SLC4A3: variants seen among roughly 807,000 people sequenced by gnomAD.
The protein encoded by SLC4A3 is solute carrier family 4 member 3, also known as anion exchange protein 3.
Under a neutral mutation model 114.2 loss-of-function variants are expected in SLC4A3, and 47 were observed. The ratio of observed to expected loss-of-function variants is 0.41; its 90% CI spans 0.33 to 0.52. SLC4A3 has a LOEUF of 0.52. SLC4A3 is among the 20% of genes least tolerant of loss of function. The pLI is 0.21. For missense variants in SLC4A3, 1,312 were observed against 1,668.3 expected (o/e 0.79, Z 3.72); for synonymous variants, 693 against 710.3 (o/e 0.98, Z 0.39).
At chr2:219,633,859 A>G (rs1699026561) in intron 10 of SLC4A3, 21 bp from the exon 11 acceptor site, 2 of 1,552,538 alleles carry the variant, frequency 1.3e-6, no homozygotes, top group East Asian at 2.4e-5. Flanking sequence ...TCCCAGCCCT[A>G]TTCCAGTTCT....
chr2:219,637,673 C>T lies in SLC4A3; in HGVS notation c.2628C>T (p.Ala876=). The change falls in exon 17 of 23, where the codon GCC becomes GCT. Residue 876 remains alanine, a synonymous_variant. Transcript: ENST00000358055. The surrounding 1 kb of genome is among the most constrained non-coding windows in gnomAD (Gnocchi z 4.6). Reference sequence around the variant, plus strand: ...CTGGTCTGGAGCCAAATGGCAGTGCCCTGCCCCCCACCGAGGGCCCCCCCA... The same window carrying T: ...CTGGTCTGGAGCCAAATGGCAGTGCTCTGCCCCCCACCGAGGGCCCCCCCA... ...LDAGLEPNGS[A]LPPTEGPPSP... 6.2e-7 allele frequency: 1 copy of T among 1,610,262 alleles called. No homozygotes were observed. Among genetic ancestry groups the T allele is most frequent in the South Asian group, 1.1e-5 (1 of 91,014 alleles).
Position 219,628,457 on chromosome 2 carries a change from A to G in SLC4A3, c.104A>G (p.Asp35Gly), listed in dbSNP as rs1698797702. 2 of 1,613,604 alleles carry G rather than the reference A, an allele frequency of 1.2e-6. No individual in the cohort carries two copies. The highest frequency in any genetic ancestry group is 1.7e-6 in the Non-Finnish European group (2 of 1,179,838). ...CTAAGTCCAGACGTGGAGGAGGAGG[A>G]CGATGACTTGGGCAAGACCTTGGCT... ...PPLSPDVEEE[D>G]DDLGKTLAVS... The change falls in exon 3 of 23, where the codon GAC becomes GGC. Residue 35 changes from aspartate to glycine, a missense_variant. By Grantham distance (94) the Asp-to-Gly change is moderately conservative. This residue lies in a region of SLC4A3 where 236 missense variants were observed against 212.1 expected (regional missense o/e 1.11). Coordinates refer to ENST00000358055, the MANE Select transcript of SLC4A3 (RefSeq NM_005070.4). The surrounding 1 kb of genome is among the most constrained non-coding windows in gnomAD (Gnocchi z 4.8).
Position 219,631,088 on chromosome 2 carries a change from A to G in SLC4A3, c.811+736A>G, listed in dbSNP as rs1459947901. 2.0e-5 allele frequency: 23 copies of G among 1,140,856 alleles called. No individual in the cohort carries two copies. The highest frequency in any genetic ancestry group is 2.4e-5 in the Non-Finnish European group (22 of 912,742). The allele number at this position is 1,140,856 out of a possible 1,614,324, so 70.7% of individuals were successfully genotyped here. A position where few individuals can be genotyped will look rare whatever the true frequency, so the allele number is the denominator to read the frequency against. On this transcript the variant is annotated intron_variant, in intron 6 of 22. Transcript: ENST00000358055. This position sits in a 1 kb window ranked among gnomAD's most constrained non-coding sequence, Gnocchi z 6.3. ...AGGGTGGGGGCTGGATGCCGCAGGG[A>G]GCAGGCTTGTGGACTTGGGGAGTTG...
At position 219,632,539 on chromosome 2, in the gene SLC4A3, G is replaced by A. The variant is rs1436693015; in HGVS notation, c.1141+97G>A. ...AACACTCTCTAGAGTCCTGGGCACAGGCAAGATCCAACTGCCACCTGGGAC... is the reference window on the plus strand; with the variant it reads ...AACACTCTCTAGAGTCCTGGGCACAAGCAAGATCCAACTGCCACCTGGGAC... On this transcript the variant is annotated intron_variant, in intron 8 of 22. Coordinates refer to ENST00000358055, the MANE Select transcript of SLC4A3 (RefSeq NM_005070.4). 4 of 1,372,952 alleles carry A rather than the reference G, an allele frequency of 2.9e-6. 1 individual carries two copies. The highest frequency in any genetic ancestry group is 5.0e-5 in the East Asian group (2 of 40,240). The allele number at this position is 1,372,952 out of a possible 1,614,324, so 85.0% of individuals were successfully genotyped here.
rs1698931081 is a variant in SLC4A3 at position 219,631,755 on chromosome 2, G to T, written c.812-213G>T. Reference sequence around the variant, plus strand: ...CCTTTGGATTGCATCTTGGCCGGTGGTCCCAGGTGACCATGGGGAGGTCCT... The same window carrying T: ...CCTTTGGATTGCATCTTGGCCGGTGTTCCCAGGTGACCATGGGGAGGTCCT... On this transcript the variant is annotated intron_variant, in intron 6 of 22. Coordinates refer to ENST00000358055, the MANE Select transcript of SLC4A3 (RefSeq NM_005070.4). This position sits in a 1 kb window ranked among gnomAD's most constrained non-coding sequence, Gnocchi z 6.3. Among the ~76,000 whole-genome samples, 1 of 152,140 alleles carries T rather than the reference G, an allele frequency of 6.6e-6. No homozygotes were observed. The highest frequency in any genetic ancestry group is 2.4e-5 in the African/African-American group (1 of 41,422).
chr2:219,640,595 C>T lies in SLC4A3; in HGVS notation c.3443C>T (p.Thr1148Ile), dbSNP rs1448069334. ...AKHHPEQPYV[T>I]KVKTWRMHLF... ...CACCATCCTGAGCAGCCCTATGTGA[C>T]CAAGGTAGGGCCGGGAAGCATGGGG... Residue 1148 changes from threonine (T) to isoleucine (I), a missense_variant, in exon 21 of 23, where the codon ACC becomes ATC. Thr to Ile is a moderately conservative substitution (Grantham distance 89). Transcript: ENST00000358055. The T allele has an allele frequency of 1.9e-6, 3 of 1,613,540 alleles. No individual in the cohort carries two copies. The highest frequency in any genetic ancestry group is 2.5e-6 in the Non-Finnish European group (3 of 1,179,766).
At chr2:219,633,115 C>A in intron 9 of SLC4A3, 106 bp downstream of exon 9, 1 of 1,436,420 alleles carries the variant, frequency 7.0e-7, no homozygotes, top group South Asian at 1.3e-5. Flanking sequence ...CCACAAGTGA[C>A]AGAGAGCTCA....
chr2:219,641,932 C>G lies in SLC4A3; in HGVS notation c.*204C>G. ...TCACCTTTCACAGACCAGACCGGCACAGGCTTTGAGCTCATTATAACCACA... is the reference window on the plus strand; with the variant it reads ...TCACCTTTCACAGACCAGACCGGCAGAGGCTTTGAGCTCATTATAACCACA... On this transcript the variant is annotated 3_prime_UTR_variant, in exon 23 of 23. Transcript: ENST00000358055. The surrounding 1 kb of genome is among the most constrained non-coding windows in gnomAD (Gnocchi z 4.0). 1.8e-6 allele frequency: 1 copy of G among 554,392 alleles called. No homozygotes were observed. Among genetic ancestry groups the G allele is most frequent in the East Asian group, 2.9e-5 (1 of 33,906 alleles). The allele number at this position is 554,392 out of a possible 1,614,324, so 34.3% of individuals were successfully genotyped here. A position where few individuals can be genotyped will look rare whatever the true frequency, so the allele number is the denominator to read the frequency against.
rs926811991 is a variant in SLC4A3, at chr2:219,641,201, T to C, written c.3621+239T>C. Among the ~76,000 whole-genome samples the C allele has an allele frequency of 1.2e-4, 19 of 152,046 alleles. No individual in the cohort carries two copies. The highest frequency in any genetic ancestry group is 1.2e-3 in the Admixed American group (19 of 15,276). On this transcript the variant is annotated intron_variant, in intron 22 of 22. Coordinates refer to ENST00000358055, the MANE Select transcript of SLC4A3 (RefSeq NM_005070.4). The surrounding 1 kb of genome is among the most constrained non-coding windows in gnomAD (Gnocchi z 4.0). Reference sequence around the variant, plus strand: ...AGGTAAAGGCCTTAGGATGGTGGTTTTGTAAGGGAGTTGGCACGGGGCTGC... The same window carrying C: ...AGGTAAAGGCCTTAGGATGGTGGTTCTGTAAGGGAGTTGGCACGGGGCTGC...
In SLC4A3 at chr2:219,635,370, G is replaced by T; in HGVS notation, c.1846G>T (p.Val616Leu). ...CAGCATTGTGATCCCCCCGTCCGAGGTGGAGGGCCGTGACCTGCTGCGCTC... is the reference window on the plus strand; with the variant it reads ...CAGCATTGTGATCCCCCCGTCCGAGTTGGAGGGCCGTGACCTGCTGCGCTC... Reference protein sequence around the residue: ...DGSIVIPPSEVEGRDLLRSVA... With the variant: ...DGSIVIPPSELEGRDLLRSVA... Residue 616 changes from valine (V) to leucine (L), a missense_variant, in exon 13 of 23, where the codon GTG becomes TTG. Val to Leu is a conservative substitution (Grantham distance 32, BLOSUM62 1). Transcript: ENST00000358055. 5 of 1,614,206 alleles carry T rather than the reference G, an allele frequency of 3.1e-6. No individual in the cohort carries two copies. Among genetic ancestry groups the T allele is most frequent in the Non-Finnish European group, 4.2e-6 (5 of 1,180,026 alleles).
chr2:219,628,413 G>T lies in SLC4A3; in HGVS notation c.60G>T (p.Val20=). ...GCCGTCTGGGCCTGCAGGTCCGGGT[G>T]CCCTTGGAGGAGCCCCCTCTAAGTC... The part of the protein sequence containing the change: ...GGASPLPQVR[V]PLEEPPLSPD... The change falls in exon 3 of 23, where the codon GTG becomes GTT. Residue 20 remains valine, a synonymous_variant. Transcript: ENST00000358055. The surrounding 1 kb of genome is among the most constrained non-coding windows in gnomAD (Gnocchi z 4.8). 6.2e-7 allele frequency: 1 copy of T among 1,611,318 alleles called. No homozygotes were observed.
chr2:219,634,993 G>C (rs576629030), intron 12 of SLC4A3, among the ~76,000 whole-genome samples: 1 of 152,280 alleles, frequency 6.6e-6, no homozygotes, highest in African/African-American at 2.4e-5. Flanking sequence ...GGCTCTGGAA[G>C]CCCCTGCTCT....
chr2:219,632,315 G>A lies in SLC4A3; in HGVS notation c.1014G>A (p.Trp338Ter). The change falls in exon 8 of 23, where the codon TGG (tryptophan) becomes TGA (stop). Residue 338 changes from tryptophan to a stop codon, truncating the protein, a stop_gained. Coordinates refer to ENST00000358055, the MANE Select transcript of SLC4A3 (RefSeq NM_005070.4). LOFTEE classifies it high-confidence loss of function. ...LMLDRSQEPH[W>*]RETARWIKFE... ...TGGACCGCAGCCAGGAGCCCCACTG[G>A]CGGGAGACGGCCCGCTGGATCAAGT... is the stretch of plus-strand genomic sequence containing the variant. 6.2e-7 allele frequency: 1 copy of A among 1,614,114 alleles called. No homozygotes were observed. The highest frequency in any genetic ancestry group is 1.1e-5 in the South Asian group (1 of 91,080).
rs1699323080 is a variant in SLC4A3 at position 219,641,433 on chromosome 2, T to C, written c.3622-218T>C. The stretch of plus-strand genomic sequence containing the variant: ...TCAGGAAAGAGCTTCATAATAATAA[T>C]CATTATTATTATCACCAGGAGGGGC... On this transcript the variant is annotated intron_variant, in intron 22 of 22. Coordinates refer to ENST00000358055, the MANE Select transcript of SLC4A3 (RefSeq NM_005070.4). The surrounding 1 kb of genome is among the most constrained non-coding windows in gnomAD (Gnocchi z 4.0). 6.6e-6 allele frequency among the ~76,000 whole-genome samples: 1 copy of C among 152,032 alleles called. No homozygotes were observed. Among genetic ancestry groups the C allele is most frequent in the African/African-American group, 2.4e-5 (1 of 41,390 alleles).
At chr2:219,640,209 G>T (rs919901763) in intron 20 of SLC4A3, among the ~76,000 whole-genome samples, 10 of 150,482 alleles carry the variant, frequency 6.6e-5, no homozygotes, top group Admixed American at 2.0e-4. Flanking sequence ...GATTACAGGC[G>T]TGAGCCAATG....
In SLC4A3 at chr2:219,628,058, C is replaced by G. The variant is rs1010564601; in HGVS notation, c.51+15C>G. 8 of 1,540,216 alleles carry G rather than the reference C, an allele frequency of 5.2e-6. No homozygotes were observed. Among genetic ancestry groups the G allele is most frequent in the African/African-American group, 2.8e-5 (2 of 71,832 alleles). The stretch of plus-strand genomic sequence containing the variant: ...CCCTACCCCAGGTGATCGGCGCGCG[C>G]GGGGGCGGGGGAGAGATGGGGGAGG... On this transcript the variant is annotated intron_variant, in intron 2 of 22. Coordinates refer to ENST00000358055, the MANE Select transcript of SLC4A3 (RefSeq NM_005070.4). The surrounding 1 kb of genome is among the most constrained non-coding windows in gnomAD (Gnocchi z 4.8).
rs764732530 is a variant in SLC4A3 at position 219,629,149 on chromosome 2, C to T, written c.223C>T (p.Arg75Trp). 6.3e-6 allele frequency: 10 copies of T among 1,582,222 alleles called. No homozygotes were observed. Among genetic ancestry groups the T allele is most frequent in the East Asian group, 2.2e-5 (1 of 44,490 alleles). The change falls in exon 4 of 23, where the codon CGG becomes TGG. Residue 75 changes from arginine (R) to tryptophan (W), a missense_variant. Transcript: ENST00000358055. ...CGGATCTCCTGCACCCCCAGTTCAC[C>T]GGCACACATCCCACCACACCCACCA... ...SYSERDFEFH[R>W]HTSHHTHHPL...
Position 219,629,711 on chromosome 2 carries a change from T to C in SLC4A3, c.611+16T>C. ...ACTCCAGCAGGTACTGGCTGCAGCC[T>C]CTACTCAGCAGGGCCCAGCCCAGAG... is the stretch of plus-strand genomic sequence containing the variant. On this transcript the variant is annotated intron_variant, in intron 5 of 22. Transcript: ENST00000358055. The C allele has an allele frequency of 6.4e-7, 1 of 1,572,186 alleles. No homozygotes were observed.
Position 219,636,429 on chromosome 2 carries a change from G to A in SLC4A3, c.2319G>A (p.Val773=). 6.2e-7 allele frequency: 1 copy of A among 1,611,090 alleles called. No homozygotes were observed. Among genetic ancestry groups the A allele is most frequent in the Non-Finnish European group, 8.5e-7 (1 of 1,178,734 alleles). ...TTGGCTTCTCTGGGCCGCTGCTTGT[G>A]TTTGAGGAAGCCTTCTTCAAGGTGA... is the stretch of plus-strand genomic sequence containing the variant. ...LVVGFSGPLL[V]FEEAFFKFCR... The change falls in exon 15 of 23, where the codon GTG becomes GTA. Residue 773 remains valine (V), a synonymous_variant. Transcript: ENST00000358055. The surrounding 1 kb of genome is among the most constrained non-coding windows in gnomAD (Gnocchi z 5.5).
Sources: gnomAD v4.1 joint callset for allele counts (sites outside exome capture counted in the v4.1 genomes callset) on GRCh38, gnomAD v4.1.1 for gene constraint, gnomAD v4.1.1 regional missense constraint, Gnocchi (gnomAD v3.1) non-coding constraint, MANE v1.5 for transcripts, NCBI Gene and HGNC (gene_info 2026-07-23, HGNC 2026-07-21) for gene names.